Variants in ADGB observed in about 807,000 individuals in gnomAD.
The protein encoded by ADGB is androglobin.
A neutral mutation model predicts 210.5 loss-of-function variants in ADGB; 172 were observed. The observed-to-expected ratio is 0.82, with a 90% confidence interval of 0.72 to 0.93. ADGB has a LOEUF of 0.93. Ranked by LOEUF, ADGB falls within the 40% of genes least tolerant of loss-of-function variation. ADGB has a pLI of 0.00. For synonymous variants in ADGB, 658 were observed against 662.7 expected (o/e 0.99, Z 0.11); for missense variants, 2,025 against 1,964.8 (o/e 1.03, Z -0.58).
At chr6:146,639,749 A>T (rs1321002060) in intron 2 of ADGB, 1 of 152,016 alleles carries the variant, frequency 6.6e-6, no homozygotes, top group East Asian at 1.9e-4. Flanking sequence ...TACAGAAAAG[A>T]TTAGCATGGC....
chr6:146,791,921 C>CTTTTTTTTTT (rs66891404), intron 33 of ADGB, among the ~76,000 whole-genome samples: 3 of 112,490 alleles, frequency 2.7e-5, no homozygotes, highest in Non-Finnish European at 3.5e-5. Flanking sequence ...CTGCACCTTG[C>CTTTTTTTTTT]TTTTTTTTTT....
intron 26 of ADGB, among the ~76,000 whole-genome samples, chr6:146,748,726 C>A (rs1583620650): frequency 6.6e-6 from 1 of 152,226 alleles, no homozygotes; most frequent in South Asian, 2.1e-4. Context: ...CGGGCACATG[C>A]CACCATGCCC....
chr6:146,667,283 G>T (rs1775949551), intron 7 of ADGB, among the ~76,000 whole-genome samples: 1 of 152,010 alleles, frequency 6.6e-6, no homozygotes, highest in South Asian at 2.1e-4. Flanking sequence ...GTGGCAACTT[G>T]TGGGAAGGCA....
chr6:146,803,184 C>T (rs1778157865), intron 35 of ADGB: 1 of 1,497,184 alleles, frequency 6.7e-7, no homozygotes, highest in African/African-American at 1.4e-5. Context: ...ACTTATACTT[C>T]TCCTTCTCCA....
At chr6:146,718,328 CAG>C (rs1181768706) in intron 16 of ADGB, among the ~76,000 whole-genome samples, 2 of 116,374 alleles carry the variant, frequency 1.7e-5, no homozygotes, top group Non-Finnish European at 3.3e-5. Flanking sequence ...GCCTGGGCAA[CAG>C]AGTGAGATTC....
chr6:146,713,127 T>C (rs1776682782), intron 13 of ADGB, among the ~76,000 whole-genome samples: 1 of 152,236 alleles, frequency 6.6e-6, no homozygotes, highest in Non-Finnish European at 1.5e-5. Flanking sequence ...TTCCATTGTA[T>C]ATGTATGTCA....
chr6:146,780,893 AT>A (rs990468014), intron 29 of ADGB, among the ~76,000 whole-genome samples: 2 of 152,174 alleles, frequency 1.3e-5, no homozygotes, highest in Admixed American at 1.3e-4. Context: ...CAGAATACAC[AT>A]TCTTCTCAAG....
At chr6:146,738,330 T>C (rs1416365048) in intron 23 of ADGB, among the ~76,000 whole-genome samples, 1 of 152,124 alleles carries the variant, frequency 6.6e-6, no homozygotes, top group Admixed American at 6.5e-5. Flanking sequence ...AGCCTTTCAT[T>C]CTCAACTCTG....
chr6:146,760,777 T>C (rs747340226), intron 27 of ADGB, among the ~76,000 whole-genome samples: 1 of 151,962 alleles, frequency 6.6e-6, no homozygotes, highest in African/African-American at 2.4e-5. Context: ...GCTGTCAATG[T>C]TTTTAATCCA....
chr6:146,786,221 A>G lies in ADGB; in HGVS notation c.4315+509A>G, dbSNP rs181192423. The stretch of plus-strand genomic sequence containing the variant: ...TATATATATTTAAGTATATATTATA[A>G]TATTATTCCAGTTTATCAATAAGGA... On this transcript the variant is annotated intron_variant, in intron 32 of 35. Transcript: ENST00000397944. Among the ~76,000 whole-genome samples, 6 of 148,192 alleles carry G rather than the reference A, an allele frequency of 4.0e-5. No homozygotes were observed. In the East Asian group the frequency reaches 9.7e-4, roughly 24 times the overall value.
At chr6:146,811,134 C>T (rs1244052038) in intron 35 of ADGB, among the ~76,000 whole-genome samples, 6 of 152,142 alleles carry the variant, frequency 3.9e-5, no homozygotes, top group Non-Finnish European at 8.8e-5. Flanking sequence ...GCTTCACAAC[C>T]TTATGACCCC....
chr6:146,716,824 A>G, intron 14 of ADGB, 59 bp from the exon 15 acceptor site: 1 of 1,407,792 alleles, frequency 7.1e-7, no homozygotes, highest in Admixed American at 2.8e-5. Context: ...ATCATTTTAC[A>G]TATTTCAATA....
rs1431698424 is a variant in ADGB at position 146,728,688 on chromosome 6, G to T, written c.2467G>T (p.Ala823Ser). The T allele has an allele frequency of 6.4e-7, 1 of 1,551,566 alleles. No homozygotes were observed. Among genetic ancestry groups the T allele is most frequent in the Admixed American group, 2.0e-5 (1 of 50,990 alleles). Reference sequence around the variant, plus strand: ...TGCAGCTTTGAAGGATCTGCAAACAGCTCACTACCCTGTCCCCTTCCATGA... The same window carrying T: ...TGCAGCTTTGAAGGATCTGCAAACATCTCACTACCCTGTCCCCTTCCATGA... The part of the protein sequence containing the change: ...LSAALKDLQT[A>S]HYPVPFHDKE... The change falls in exon 20 of 36, where the codon GCT becomes TCT. Residue 823 changes from alanine to serine, a missense_variant. Ala to Ser is a moderately conservative substitution (Grantham distance 99). Coordinates refer to ENST00000397944, the MANE Select transcript of ADGB (RefSeq NM_024694.4).
intron 35 of ADGB, chr6:146,803,796 T>A: frequency 1.9e-6 from 1 of 517,826 alleles, no homozygotes; most frequent in South Asian, 2.4e-5. Context: ...GCCTAGAGCG[T>A]CCCTCGGCTT....
At chr6:146,664,491 G>C (rs147864561) in intron 6 of ADGB, 151 bp downstream of exon 6, 1 of 724,304 alleles carries the variant, frequency 1.4e-6, no homozygotes, top group Non-Finnish European at 2.0e-6. Context: ...AATCAAATAC[G>C]CCAAAACCAC....
At chr6:146,672,077 C>T (rs1776016983) in intron 7 of ADGB, 143 bp from the exon 8 acceptor site, 3 of 1,106,726 alleles carry the variant, frequency 2.7e-6, no homozygotes, top group Non-Finnish European at 3.8e-6. Flanking sequence ...ATACATAATG[C>T]TGTTCTTTTA....
chr6:146,600,934 A>T (rs71566451), intron 1 of ADGB, among the ~76,000 whole-genome samples: 1 of 133,370 alleles, frequency 7.5e-6, no homozygotes, highest in South Asian at 2.2e-4. Flanking sequence ...GCGCACACAC[A>T]CACACACACA....
chr6:146,610,938 G>A (rs537386302), intron 1 of ADGB, among the ~76,000 whole-genome samples: 2 of 152,220 alleles, frequency 1.3e-5, no homozygotes, highest in East Asian at 3.9e-4. Context: ...GTGGTGGGGT[G>A]ATGGGGTCTG....
intron 35 of ADGB, chr6:146,803,893 T>G: frequency 3.2e-6 from 1 of 316,616 alleles, no homozygotes. Flanking sequence ...ACAAGCCAAT[T>G]AGCTCCTCAG....
Sources: gnomAD v4.1 joint callset for allele counts (sites outside exome capture counted in the v4.1 genomes callset) on GRCh38, gnomAD v4.1.1 for gene constraint, MANE v1.5 for transcripts, NCBI Gene and HGNC (gene_info 2026-07-23, HGNC 2026-07-21) for gene names.